Variants in DDX43 observed in about 807,000 individuals in gnomAD.
DDX43 encodes the protein probable ATP-dependent RNA helicase DDX43.
DDX43 carries 50 observed loss-of-function variants against 84.9 expected under a neutral mutation model. The ratio of observed to expected loss-of-function variants is 0.59; its 90% CI spans 0.47 to 0.75. DDX43 has a LOEUF of 0.75. Among genes scored for constraint, DDX43 ranks in the 30% least tolerant of loss-of-function variants. The pLI is 0.00. For missense variants in DDX43, 689 were observed against 798.6 expected, an observed-to-expected ratio of 0.86 and a Z score of 1.65; for synonymous variants, 291 against 266.3, an observed-to-expected ratio of 1.09 and a Z score of -0.90.
chr6:73,405,856 A>G (rs754057710), intron 6 of DDX43, 21 bp downstream of exon 6: 3 of 1,607,598 alleles, frequency 1.9e-6, no homozygotes, highest in Non-Finnish European at 2.6e-6. Flanking sequence ...ATTAATTACA[A>G]TATTTCACTC....
chr6:73,401,629 C>T (rs752248005), intron 3 of DDX43, among the ~76,000 whole-genome samples: 44 of 151,862 alleles, frequency 2.9e-4, no homozygotes, highest in Admixed American at 7.9e-4. Flanking sequence ...GGTGAAACCC[C>T]GTCTCTACTA....
chr6:73,400,207 C>A (rs756006388), intron 2 of DDX43, 27 bp from the exon 3 acceptor site: 12 of 1,548,808 alleles, frequency 7.7e-6, no homozygotes, highest in African/African-American at 1.4e-5. Flanking sequence ...AATTTTAAGT[C>A]TCACCTCTTT....
At chr6:73,405,557 C>T (rs914207924) in intron 5 of DDX43, 122 bp from the exon 6 acceptor site, 1 of 905,864 alleles carries the variant, frequency 1.1e-6, no homozygotes. Context: ...TATAACTTCC[C>T]TGACAGTCTC....
intron 10 of DDX43, among the ~76,000 whole-genome samples, chr6:73,410,510 A>T (rs1348849565): frequency 6.6e-6 from 1 of 152,166 alleles, no homozygotes; most frequent in Non-Finnish European, 1.5e-5. Flanking sequence ...GAAGGTATAC[A>T]AAGTGGTCAC....
Position 73,406,436 on chromosome 6 carries a change from T to G in DDX43, c.880T>G (p.Leu294Val). 1 of 1,613,598 alleles carries G rather than the reference T, an allele frequency of 6.2e-7. No individual in the cohort carries two copies. The highest frequency in any genetic ancestry group is 8.5e-7 in the Non-Finnish European group (1 of 1,179,642). The change falls in exon 7 of 17, where the codon TTG (leucine) becomes GTG (valine). Residue 294 changes from leucine to valine, a missense_variant. Around this residue, in one of 2 missense-constraint regions of DDX43, gnomAD observed 552 missense variants for 692.7 expected, o/e 0.80. Coordinates refer to ENST00000370336, the MANE Select transcript of DDX43 (RefSeq NM_018665.3). ...AGCCCAGACTGGAACAGGAAAGACA[T>G]TGTGTTATTTAATGCCTGGATTTAT... The part of the protein sequence containing the change: ...GVAQTGTGKT[L>V]CYLMPGFIHL...
At chr6:73,414,984 C>T (rs189329791) in intron 14 of DDX43, among the ~76,000 whole-genome samples, 28 of 152,094 alleles carry the variant, frequency 1.8e-4, no homozygotes, top group Middle Eastern at 3.4e-3. Context: ...GGATATGAGA[C>T]GACCTTTTTC....
chr6:73,401,442 A>G (rs1769566379), intron 3 of DDX43, among the ~76,000 whole-genome samples: 1 of 152,190 alleles, frequency 6.6e-6, no homozygotes, highest in South Asian at 2.1e-4. Flanking sequence ...ACAAATGACA[A>G]GGTTGTCATG....
In DDX43 at chr6:73,407,554, C is replaced by T. The variant is rs766725160; in HGVS notation, c.976C>T (p.Arg326Trp). ...RPGMLVLTPT[R>W]ELALQVEGEC... ...CGGCATGTTAGTTCTAACTCCCACT[C>T]GGGAATTAGCACTTCAAGTAGAAGG... is the stretch of plus-strand genomic sequence containing the variant. Residue 326 changes from arginine to tryptophan, a missense_variant, in exon 8 of 17, where the codon CGG (arginine) becomes TGG (tryptophan). Physicochemically the swap from Arg to Trp is moderately radical, Grantham distance 101. Transcript: ENST00000370336. 23 of 1,613,788 alleles carry T rather than the reference C, an allele frequency of 1.4e-5. No homozygotes were observed. The South Asian group carries it at 1.9e-4, about 13-fold the overall frequency.
intron 1 of DDX43, among the ~76,000 whole-genome samples, chr6:73,396,032 G>A (rs1314854900): frequency 2.0e-5 from 3 of 149,460 alleles, no homozygotes; most frequent in Admixed American, 1.3e-4. Context: ...GCGTGATCTC[G>A]GCTCACTACA....
chr6:73,414,363 C>T (rs1238420497), intron 13 of DDX43, among the ~76,000 whole-genome samples, 185 bp from the exon 14 acceptor site: 3 of 152,140 alleles, frequency 2.0e-5, no homozygotes, highest in African/African-American at 7.2e-5. Flanking sequence ...GGTTTAGGAC[C>T]CATTTGCTGA....
At chr6:73,398,395 G>A (rs371716528) in intron 2 of DDX43, among the ~76,000 whole-genome samples, 22 of 152,166 alleles carry the variant, frequency 1.4e-4, no homozygotes, top group African/African-American at 5.3e-4. Context: ...GGGATTACAG[G>A]CCCCCGCCAC....
At chr6:73,401,754 A>G (rs1358870200) in intron 3 of DDX43, 105 bp from the exon 4 acceptor site, 2 of 1,088,492 alleles carry the variant, frequency 1.8e-6, no homozygotes, top group Non-Finnish European at 2.5e-6. Context: ...GTGAGCCGAG[A>G]TCGCGCCACT....
chr6:73,409,472 C>A (rs892634026), intron 10 of DDX43, 124 bp downstream of exon 10: 2 of 768,792 alleles, frequency 2.6e-6, no homozygotes, highest in African/African-American at 1.7e-5. Flanking sequence ...GGTGAAAGAT[C>A]TCATAACATT....
At chr6:73,412,787 G>C (rs897319537) in intron 11 of DDX43, among the ~76,000 whole-genome samples, 1 of 151,948 alleles carries the variant, frequency 6.6e-6, no homozygotes, top group African/African-American at 2.4e-5. Flanking sequence ...CTGGAGTGCA[G>C]TGGGGTGATC....
At chr6:73,395,230 C>T (rs1466587251) in intron 1 of DDX43, 75 bp downstream of exon 1, 3 of 1,487,298 alleles carry the variant, frequency 2.0e-6, no homozygotes, top group Non-Finnish European at 2.7e-6. Context: ...ATTTCCTCCC[C>T]ACTGCCTCAC....
At chr6:73,398,618 TC>T (rs1336544442) in intron 2 of DDX43, among the ~76,000 whole-genome samples, 1 of 152,004 alleles carries the variant, frequency 6.6e-6, no homozygotes, top group East Asian at 1.9e-4. Flanking sequence ...GAGGTAAAAA[TC>T]GTTAGAGATA....
intron 5 of DDX43, among the ~76,000 whole-genome samples, 160 bp from the exon 6 acceptor site, chr6:73,405,519 C>T (rs1417752773): frequency 2.0e-5 from 3 of 152,162 alleles, no homozygotes; most frequent in East Asian, 1.9e-4. Context: ...CAGATGGACT[C>T]CTGCTTCTAT....
chr6:73,416,078 C>CA (rs1484907828), intron 15 of DDX43, 35 bp from the exon 16 acceptor site: 1 of 1,132,876 alleles, frequency 8.8e-7, no homozygotes, highest in Non-Finnish European at 1.3e-6. Context: ...GAAAAGAACT[C>CA]AGAATCCTAA....
intron 3 of DDX43, 41 bp from the exon 4 acceptor site, chr6:73,401,818 A>T: frequency 1.3e-6 from 2 of 1,546,994 alleles, no homozygotes; most frequent in Non-Finnish European, 8.7e-7. Context: ...AAAAAAAAAA[A>T]AAAATAGAAA....
Sources: allele counts gnomAD v4.1 joint callset (sites outside exome capture counted in the v4.1 genomes callset), GRCh38; gene constraint gnomAD v4.1.1; regional missense constraint gnomAD v4.1.1; transcripts MANE v1.5; gene names NCBI Gene and HGNC (gene_info 2026-07-23, HGNC 2026-07-21).